Variants in YAF2 observed in about 807,000 individuals in gnomAD.
YAF2 encodes the protein YY1 associated factor 2.
YAF2 carries 7 observed loss-of-function variants against 20.1 expected under a neutral mutation model. The observed-to-expected ratio is 0.35, with a 90% CI of 0.20 to 0.65. The LOEUF (loss-of-function observed/expected upper bound fraction) is 0.65, where lower values mean the gene tolerates loss of function less well. Ranked by LOEUF, YAF2 falls within the 30% of genes least tolerant of loss-of-function variation. The pLI is 0.69. For synonymous variants in YAF2, 74 were observed against 76.0 expected, an observed-to-expected ratio of 0.97 and a Z score of 0.14; for missense variants, 151 against 219.2, an observed-to-expected ratio of 0.69 and a Z score of 1.96.
chr12:42,170,131 C>A (rs2066009793), intron 2 of YAF2, among the ~76,000 whole-genome samples: 1 of 152,162 alleles, frequency 6.6e-6, no homozygotes. Context: ...CTCAGCCTCC[C>A]AAAGTGCTGG....
At position 42,166,114 on chromosome 12, in the gene YAF2, T is replaced by C. The variant is rs1306509370; in HGVS notation, c.153-4349A>G. On this transcript the variant is annotated intron_variant, in intron 2 of 3. Transcript: ENST00000534854. ...TTTATATTTTTAGGGGGTTTCACCA[T>C]GTTGGCCAGGCTGGTCTTGAACGCC... 3.3e-5 allele frequency among the ~76,000 whole-genome samples: 5 copies of C among 152,258 alleles called. No homozygotes were observed. In the East Asian group the frequency reaches 7.7e-4, roughly 24 times the overall value.
In YAF2 at chr12:42,206,159, AT is replaced by A. The variant is rs1417129918; in HGVS notation, c.152+31439del. On this transcript the variant is annotated intron_variant, in intron 2 of 3. Coordinates refer to ENST00000534854, the MANE Select transcript of YAF2 (RefSeq NM_005748.6). ...TAACTTCTCTCTTTAGCTGTGTCAT[AT>A]CTTCTATTTTACCCATTTATTGAGT... is the stretch of plus-strand genomic sequence containing the variant. 4.6e-5 allele frequency among the ~76,000 whole-genome samples: 7 copies of A among 152,174 alleles called. No individual in the cohort carries two copies. In the South Asian group the frequency reaches 1.2e-3, roughly 27 times the overall value.
rs948512203 is a variant in YAF2, at chr12:42,160,623, C to T, written c.509G>A (p.Gly170Glu). 6.2e-7 allele frequency: 1 copy of T among 1,613,716 alleles called. No homozygotes were observed. The highest frequency in any genetic ancestry group is 1.3e-5 in the African/African-American group (1 of 74,988). Reference sequence around the variant, plus strand: ...TTCTCCATTCAATGATGAGGCTTCTCCTCTGGGTGAAGATGACCTGGACAT... The same window carrying T: ...TTCTCCATTCAATGATGAGGCTTCTTCTCTGGGTGAAGATGACCTGGACAT... ...RGMSRSSSPR[G>E]EASSLNGESH Residue 170 changes from glycine (G) to glutamate (E), a missense_variant, in exon 4 of 4, where the codon GGA (glycine) becomes GAA (glutamate). Coordinates refer to ENST00000534854, the MANE Select transcript of YAF2 (RefSeq NM_005748.6).
chr12:42,203,389 T>A (rs958721796), intron 2 of YAF2, among the ~76,000 whole-genome samples: 4 of 152,326 alleles, frequency 2.6e-5, no homozygotes, highest in African/African-American at 7.2e-5. Flanking sequence ...GAGCATCTCA[T>A]CTCATTTCTG....
At chr12:42,192,346 C>T (rs2066635408) in intron 2 of YAF2, among the ~76,000 whole-genome samples, 2 of 151,796 alleles carry the variant, frequency 1.3e-5, no homozygotes, top group Non-Finnish European at 2.9e-5. Flanking sequence ...CATCTCCACA[C>T]ACACACACAA....
intron 2 of YAF2, among the ~76,000 whole-genome samples, chr12:42,209,820 C>T (rs192425974): frequency 6.6e-6 from 1 of 152,258 alleles, no homozygotes; most frequent in Admixed American, 6.5e-5. Flanking sequence ...TTTTTTGAGA[C>T]AGAGTTTCGC....
intron 2 of YAF2, among the ~76,000 whole-genome samples, chr12:42,178,764 T>C (rs945257111): frequency 1.3e-5 from 2 of 152,208 alleles, no homozygotes; most frequent in African/African-American, 4.8e-5. Context: ...TATAAAATTA[T>C]GTGCCCTTTC....
rs2065764143 is a variant in YAF2 at position 42,159,766 on chromosome 12, G to A, written c.*823C>T. ...CTAAAATTGCAGCTTGTAAAATATG[G>A]CAAGTTTCTTTTCTCTTGTTTTTGC... On this transcript the variant is annotated 3_prime_UTR_variant, in exon 4 of 4. Coordinates refer to ENST00000534854, the MANE Select transcript of YAF2 (RefSeq NM_005748.6). 6.6e-6 allele frequency: 1 copy of A among 152,280 alleles called. No individual in the cohort carries two copies. The highest frequency in any genetic ancestry group is 2.4e-5 in the African/African-American group (1 of 41,356). The allele number at this position is 152,280 out of a possible 1,614,324, so 9.4% of individuals were successfully genotyped here. A position where few individuals can be genotyped will look rare whatever the true frequency, so the allele number is the denominator to read the frequency against.
intron 2 of YAF2, among the ~76,000 whole-genome samples, chr12:42,176,286 A>C (rs758755861): frequency 6.6e-5 from 10 of 151,636 alleles, no homozygotes; most frequent in Admixed American, 6.6e-4. Flanking sequence ...CACGCCAGCT[A>C]ATTTTTGTAT....
At chr12:42,222,693 T>C (rs1200668790) in intron 2 of YAF2, among the ~76,000 whole-genome samples, 1 of 152,200 alleles carries the variant, frequency 6.6e-6, no homozygotes, top group African/African-American at 2.4e-5. Context: ...TTAGTGTCTG[T>C]TTCATAAGTT....
Position 42,215,722 on chromosome 12 carries a change from A to G in YAF2, c.152+21877T>C, listed in dbSNP as rs190480968. Among the ~76,000 whole-genome samples, 248 of 152,230 alleles carry G rather than the reference A, an allele frequency of 1.6e-3. 1 individual carries two copies. The highest frequency in any genetic ancestry group is 8.5e-3 in the South Asian group (41 of 4,828). ...CAGATCACTTGAGGTCAGGAGTTCAAGACAGCCTGGCCAACATGGCGAAAC... is the reference window on the plus strand; with the variant it reads ...CAGATCACTTGAGGTCAGGAGTTCAGGACAGCCTGGCCAACATGGCGAAAC... On this transcript the variant is annotated intron_variant, in intron 2 of 3. Coordinates refer to ENST00000534854, the MANE Select transcript of YAF2 (RefSeq NM_005748.6).
At chr12:42,220,644 C>T (rs1412623785) in intron 2 of YAF2, among the ~76,000 whole-genome samples, 1 of 152,162 alleles carries the variant, frequency 6.6e-6, no homozygotes, top group Non-Finnish European at 1.5e-5. Flanking sequence ...CAGCTACCTC[C>T]CTGGCATAAA....
At chr12:42,205,779 T>G in intron 2 of YAF2, 1 of 241,672 alleles carries the variant, frequency 4.1e-6, no homozygotes, top group Admixed American at 4.9e-5. Flanking sequence ...AAGAGCTGGC[T>G]CATTTATTTT....
At chr12:42,190,276 A>T (rs946034851) in intron 2 of YAF2, among the ~76,000 whole-genome samples, 1 of 152,182 alleles carries the variant, frequency 6.6e-6, no homozygotes, top group African/African-American at 2.4e-5. Flanking sequence ...CCTGGGAAGC[A>T]GAAGGTGCAG....
At position 42,238,098 on chromosome 12, in the gene YAF2, C is replaced by T. The variant is rs2068242333; in HGVS notation, c.26+57G>A. The T allele has an allele frequency of 4.9e-6, 7 of 1,415,812 alleles. No individual in the cohort carries two copies. The South Asian group carries it at 8.9e-5, about 18-fold the overall frequency. The allele number at this position is 1,415,812 out of a possible 1,614,324, so 87.7% of individuals were successfully genotyped here. A position where few individuals can be genotyped will look rare whatever the true frequency, so the allele number is the denominator to read the frequency against. Reference sequence around the variant, plus strand: ...GCTAGCGAGGCGGCCACCCGAAGCCCTGCACGAGGGCCCTGCCGCCCGCAC... The same window carrying T: ...GCTAGCGAGGCGGCCACCCGAAGCCTTGCACGAGGGCCCTGCCGCCCGCAC... On this transcript the variant is annotated intron_variant, in intron 1 of 3. Coordinates refer to ENST00000534854, the MANE Select transcript of YAF2 (RefSeq NM_005748.6).
intron 2 of YAF2, chr12:42,234,440 G>A (rs1423609897): frequency 1.0e-6 from 1 of 981,418 alleles, no homozygotes; most frequent in Admixed American, 6.2e-5. Context: ...GGGTACACTG[G>A]AATCCCAATC....
rs1340256728 is a variant in YAF2, at chr12:42,158,776, A to G, written c.*1813T>C. 1.3e-5 allele frequency: 2 copies of G among 152,220 alleles called. No individual in the cohort carries two copies. Among genetic ancestry groups the G allele is most frequent in the East Asian group, 3.8e-4 (2 of 5,206 alleles). The allele number at this position is 152,220 out of a possible 1,614,324, so 9.4% of individuals were successfully genotyped here. A position where few individuals can be genotyped will look rare whatever the true frequency, so the allele number is the denominator to read the frequency against. ...TTCTCTCTTGCAGCTCATTTAAAAT[A>G]CATCCTGAAAGTTATTTGATCATAA... On this transcript the variant is annotated 3_prime_UTR_variant, in exon 4 of 4. Coordinates refer to ENST00000534854, the MANE Select transcript of YAF2 (RefSeq NM_005748.6).
intron 2 of YAF2, among the ~76,000 whole-genome samples, chr12:42,164,699 C>T (rs1421975280): frequency 2.0e-5 from 3 of 151,856 alleles, no homozygotes; most frequent in Non-Finnish European, 4.4e-5. Flanking sequence ...GGACTAAATC[C>T]ATACATATTG....
intron 2 of YAF2, chr12:42,199,089 A>C: frequency 9.6e-7 from 1 of 1,037,318 alleles, no homozygotes; most frequent in Non-Finnish European, 1.3e-6. Flanking sequence ...CCTCTTGGGT[A>C]CATCTTCAAC....
Sources: gnomAD v4.1 joint callset for allele counts (sites outside exome capture counted in the v4.1 genomes callset) on GRCh38, gnomAD v4.1.1 for gene constraint, MANE v1.5 for transcripts, NCBI Gene and HGNC (gene_info 2026-07-23, HGNC 2026-07-21) for gene names.